Variants in PLPP3 observed in about 807,000 individuals in gnomAD.
PLPP3 encodes the protein phospholipid phosphatase 3.
In PLPP3, 6 loss-of-function variants were observed where a neutral mutation model predicts 29.6. The observed-to-expected ratio is 0.20, with a 90% confidence interval of 0.11 to 0.40. The LOEUF (loss-of-function observed/expected upper bound fraction) is 0.40, where lower values mean the gene tolerates loss of function less well. Among genes scored for constraint, PLPP3 ranks in the 10% least tolerant of loss-of-function variants. The pLI, the probability that PLPP3 is intolerant of heterozygous loss-of-function variation, is 1.00. For synonymous variants in PLPP3, 152 were observed against 159.7 expected (o/e 0.95, Z 0.36); for missense variants, 308 against 407.7 (o/e 0.76, Z 2.11).
At chr1:56,554,479 G>T (rs1459976290) in intron 1 of PLPP3, among the ~76,000 whole-genome samples, 1 of 151,788 alleles carries the variant, frequency 6.6e-6, no homozygotes, top group African/African-American at 2.4e-5. Context: ...GGCTGAGGCA[G>T]GAGAATGGCG....
rs375474553 is a variant in PLPP3, at chr1:56,574,827, C to T, written c.139+4051G>A. ...TTAATGACAAATGGTCTAAGAGGGG[C>T]AGTGGGTATGTTACTACATCACAAT... On this transcript the variant is annotated intron_variant, in intron 1 of 5. Transcript: ENST00000371250. 9.2e-5 allele frequency among the ~76,000 whole-genome samples: 14 copies of T among 152,270 alleles called. No homozygotes were observed. In the East Asian group the frequency reaches 1.9e-3, roughly 21 times the overall value.
At chr1:56,571,621 T>A (rs1055028062) in intron 1 of PLPP3, among the ~76,000 whole-genome samples, 1 of 151,628 alleles carries the variant, frequency 6.6e-6, no homozygotes, top group African/African-American at 2.4e-5. Context: ...CTCTTTATTA[T>A]GTCTACAGAG....
chr1:56,561,700 A>C (rs1170224648), intron 1 of PLPP3, among the ~76,000 whole-genome samples: 1 of 152,130 alleles, frequency 6.6e-6, no homozygotes, highest in Non-Finnish European at 1.5e-5. Context: ...GATTTCAGAG[A>C]GGAGGCAGGC....
intron 4 of PLPP3, among the ~76,000 whole-genome samples, chr1:56,522,192 G>A (rs974358378): frequency 1.3e-5 from 2 of 152,192 alleles, no homozygotes; most frequent in Non-Finnish European, 2.9e-5. Context: ...ACCTCATCAG[G>A]TCACTGAGAA....
chr1:56,565,079 C>T (rs1283821624), intron 1 of PLPP3, among the ~76,000 whole-genome samples: 1 of 152,184 alleles, frequency 6.6e-6, no homozygotes, highest in Non-Finnish European at 1.5e-5. Flanking sequence ...TATAAACCTA[C>T]TGAGGCCAAA....
rs771252759 is a variant in PLPP3 at position 56,517,716 on chromosome 1, T to C, written c.634-5564A>G. On this transcript the variant is annotated intron_variant, in intron 4 of 5. Transcript: ENST00000371250. ...TTCACATAAAGTCTTAGTCTTTTTA[T>C]ACTGGACCTCTGTCTTTGGAGAAAA... is the stretch of plus-strand genomic sequence containing the variant. Among the ~76,000 whole-genome samples, 18 of 152,228 alleles carry C rather than the reference T, an allele frequency of 1.2e-4. 1 individual carries two copies. The highest frequency in any genetic ancestry group is 2.4e-4 in the Non-Finnish European group (16 of 68,024).
intron 1 of PLPP3, among the ~76,000 whole-genome samples, chr1:56,541,289 C>T (rs1569893526): frequency 6.6e-6 from 1 of 151,930 alleles, no homozygotes; most frequent in East Asian, 1.9e-4. Context: ...AAACTGATGG[C>T]TATTAAACAA....
Position 56,567,196 on chromosome 1 carries a change from A to G in PLPP3, c.139+11682T>C, listed in dbSNP as rs145418365. Among the ~76,000 whole-genome samples the G allele has an allele frequency of 6.4e-3, 980 of 152,220 alleles. 10 individuals are homozygous for G. Among genetic ancestry groups the G allele is most frequent in the African/African-American group, 0.023 (938 of 41,528 alleles). On this transcript the variant is annotated intron_variant, in intron 1 of 5. Transcript: ENST00000371250. Reference sequence around the variant, plus strand: ...GCTGACCACCCAGCATCGATTTCCCAGTCAGCTTATTGTTCTCTGCTCACT... The same window carrying G: ...GCTGACCACCCAGCATCGATTTCCCGGTCAGCTTATTGTTCTCTGCTCACT...
chr1:56,520,779 C>T (rs1645813287), intron 4 of PLPP3, among the ~76,000 whole-genome samples: 1 of 151,184 alleles, frequency 6.6e-6, no homozygotes, highest in African/African-American at 2.4e-5. Flanking sequence ...GGTGTGGTGC[C>T]ACACACCTGT....
At chr1:56,541,998 G>A (rs1341351977) in intron 1 of PLPP3, among the ~76,000 whole-genome samples, 7 of 149,850 alleles carry the variant, frequency 4.7e-5, no homozygotes, top group Admixed American at 6.7e-5. Flanking sequence ...TCTAGTGAGT[G>A]CAGACCGAGA....
intron 5 of PLPP3, among the ~76,000 whole-genome samples, chr1:56,506,802 T>G (rs1291019612): frequency 1.3e-5 from 2 of 148,838 alleles, no homozygotes; most frequent in South Asian, 2.1e-4. Flanking sequence ...TGAGCCTGTG[T>G]TTTTTTTTTA....
At chr1:56,521,734 T>C (rs61772598) in intron 4 of PLPP3, among the ~76,000 whole-genome samples, 1 of 151,322 alleles carries the variant, frequency 6.6e-6, no homozygotes, top group African/African-American at 2.4e-5. Context: ...TCTCTTCCTT[T>C]CCTCTCTCCC....
intron 4 of PLPP3, among the ~76,000 whole-genome samples, chr1:56,517,976 G>A (rs1645793656): frequency 6.6e-6 from 1 of 152,154 alleles, no homozygotes; most frequent in Non-Finnish European, 1.5e-5. Flanking sequence ...CATCCCCTGA[G>A]TCCACCCCTA....
chr1:56,578,041 C>T (rs951552686), intron 1 of PLPP3, among the ~76,000 whole-genome samples: 2 of 152,150 alleles, frequency 1.3e-5, no homozygotes, highest in South Asian at 2.1e-4. Flanking sequence ...CACTCCAATT[C>T]CTTTAACTCC....
At chr1:56,533,796 A>G (rs1302960642) in intron 2 of PLPP3, among the ~76,000 whole-genome samples, 5 of 152,224 alleles carry the variant, frequency 3.3e-5, no homozygotes, top group Non-Finnish European at 7.3e-5. Flanking sequence ...CAAGGGGCCC[A>G]ATGGCTCTTC....
At chr1:56,572,157 C>T (rs10888981) in intron 1 of PLPP3, among the ~76,000 whole-genome samples, 9,963 of 138,610 alleles carry the variant, frequency 0.072, 592 homozygotes, top group African/African-American at 0.16. Context: ...TCCAGCAATT[C>T]TCCTGCCTCA....
intron 2 of PLPP3, among the ~76,000 whole-genome samples, chr1:56,527,507 T>C (rs1374004373): frequency 6.6e-6 from 1 of 152,158 alleles, no homozygotes; most frequent in East Asian, 1.9e-4. Flanking sequence ...GATAATTTTA[T>C]CATTTCTATT....
chr1:56,506,911 G>A (rs1645705980), intron 5 of PLPP3, among the ~76,000 whole-genome samples: 1 of 152,160 alleles, frequency 6.6e-6, no homozygotes, highest in Non-Finnish European at 1.5e-5. Context: ...CCTTTGTCCT[G>A]TGTACCTCTG....
chr1:56,561,491 T>C (rs1469593561), intron 1 of PLPP3, among the ~76,000 whole-genome samples: 1 of 152,172 alleles, frequency 6.6e-6, no homozygotes, highest in Non-Finnish European at 1.5e-5. Flanking sequence ...ATAATTATAC[T>C]TAATAATAAT....
Sources: allele counts gnomAD v4.1 joint callset (sites outside exome capture counted in the v4.1 genomes callset), GRCh38; gene constraint gnomAD v4.1.1; transcripts MANE v1.5; gene names NCBI Gene and HGNC (gene_info 2026-07-23, HGNC 2026-07-21).